CDC42EP4: variants seen among roughly 807,000 people sequenced by gnomAD.
The protein encoded by CDC42EP4 is CDC42 effector protein (Rho GTPase binding) 4.
Under a neutral mutation model 5.6 loss-of-function variants are expected in CDC42EP4, and 6 were observed. The ratio of observed to expected loss-of-function variants is 1.07; its 90% CI spans 0.59 to 2.12. CDC42EP4 has a LOEUF of 2.12. Among genes scored for constraint, CDC42EP4 ranks in the 30% most tolerant of loss-of-function variants. The pLI is 0.00. For missense variants in CDC42EP4, 490 were observed against 508.6 expected (o/e 0.96, Z 0.35); for synonymous variants, 230 against 224.2 (o/e 1.03, Z -0.23).
chr17:73,309,306 A>G lies in CDC42EP4; in HGVS notation c.-113+2587T>C, dbSNP rs75293310. On this transcript the variant is annotated intron_variant, in intron 1 of 1. Coordinates refer to ENST00000335793, the MANE Select transcript of CDC42EP4 (RefSeq NM_012121.5). ...CAGCCTGCAGTGAGCCTTGACTATG[A>G]CGCTGCACCACAACCTGGGTGACAG... 5.0e-3 allele frequency among the ~76,000 whole-genome samples: 760 copies of G among 152,236 alleles called. 7 individuals carry two copies. Among genetic ancestry groups the G allele is most frequent in the Middle Eastern group, 0.01 (3 of 294 alleles).
chr17:73,310,571 G>C (rs922585204), intron 1 of CDC42EP4, among the ~76,000 whole-genome samples: 1 of 151,110 alleles, frequency 6.6e-6, no homozygotes, highest in Admixed American at 6.6e-5. Flanking sequence ...AGATTGCAAG[G>C]GGTGGGAGTC....
intron 1 of CDC42EP4, among the ~76,000 whole-genome samples, chr17:73,291,557 T>C (rs1010300871): frequency 2.2e-4 from 34 of 152,080 alleles, no homozygotes; most frequent in African/African-American, 7.2e-4. Flanking sequence ...GGGGCAGCTA[T>C]GGTTTGGGAG....
chr17:73,294,359 A>G (rs2062175078), intron 1 of CDC42EP4, among the ~76,000 whole-genome samples: 1 of 151,298 alleles, frequency 6.6e-6, no homozygotes, highest in Admixed American at 6.6e-5. Context: ...CTCAAAAAAA[A>G]ACAAACAAAG....
rs1448626805 is a variant in CDC42EP4 at position 73,301,136 on chromosome 17, G to C, written c.-113+10757C>G. Among the ~76,000 whole-genome samples the C allele has an allele frequency of 2.9e-4, 44 of 151,526 alleles. 1 individual carries two copies. Among genetic ancestry groups the C allele is most frequent in the Admixed American group, 2.9e-3 (44 of 15,228 alleles). On this transcript the variant is annotated intron_variant, in intron 1 of 1. Coordinates refer to ENST00000335793, the MANE Select transcript of CDC42EP4 (RefSeq NM_012121.5). ...ATACACACTGGACTTCTAAGATTTA[G>C]TATAAAAAAAGAGGATGTATAAAAT...
At chr17:73,295,546 G>GT (rs1182555079) in intron 1 of CDC42EP4, among the ~76,000 whole-genome samples, 5 of 152,194 alleles carry the variant, frequency 3.3e-5, no homozygotes, top group Non-Finnish European at 7.3e-5. Context: ...TGGTCCCAGG[G>GT]TGGGGTGGTC....
intron 1 of CDC42EP4, among the ~76,000 whole-genome samples, chr17:73,309,575 G>A (rs2062262995): frequency 6.6e-6 from 1 of 152,058 alleles, no homozygotes; most frequent in African/African-American, 2.4e-5. Flanking sequence ...GCAAGGGAAA[G>A]AGAGAAACGA....
At chr17:73,303,390 G>A (rs1001904191) in intron 1 of CDC42EP4, among the ~76,000 whole-genome samples, 1 of 151,848 alleles carries the variant, frequency 6.6e-6, no homozygotes, top group Admixed American at 6.6e-5. Context: ...GGCCGGGCAC[G>A]GTGGCTCACG....
At chr17:73,290,308 C>T (rs1009308200) in intron 1 of CDC42EP4, among the ~76,000 whole-genome samples, 16 of 152,328 alleles carry the variant, frequency 1.1e-4, no homozygotes, top group African/African-American at 3.6e-4. Flanking sequence ...GCTCTGGCGG[C>T]GGCATTGCTG....
In CDC42EP4 at chr17:73,285,721, A is replaced by G; in HGVS notation, c.780T>C (p.Pro260=). 2 of 1,573,122 alleles carry G rather than the reference A, an allele frequency of 1.3e-6. No individual in the cohort carries two copies. The highest frequency in any genetic ancestry group is 8.7e-7 in the Non-Finnish European group (1 of 1,153,660). ...TQAPPYAVAA[P]PLARQEGKAG... ...CCTTGCCTTCCTGCCTTGCCAGGGG[A>G]GGGGCCGCCACGGCGTACGGGGGAG... is the stretch of plus-strand genomic sequence containing the variant. Residue 260 remains proline (P), a synonymous_variant, in exon 2 of 2, where the codon CCT becomes CCC. Transcript: ENST00000335793. The surrounding 1 kb of genome is among the most constrained non-coding windows in gnomAD (Gnocchi z 6.8).
intron 1 of CDC42EP4, among the ~76,000 whole-genome samples, chr17:73,299,260 A>G (rs1449546199): frequency 1.3e-5 from 2 of 151,768 alleles, no homozygotes; most frequent in Non-Finnish European, 2.9e-5. Flanking sequence ...TGTCTCTACT[A>G]AAAATATTTA....
intron 1 of CDC42EP4, among the ~76,000 whole-genome samples, chr17:73,296,874 G>A (rs551731537): frequency 1.3e-5 from 2 of 148,304 alleles, no homozygotes; most frequent in East Asian, 2.0e-4. Context: ...CCAGCTACTC[G>A]GGAGGCTGAG....
chr17:73,296,355 T>A, intron 1 of CDC42EP4, among the ~76,000 whole-genome samples: 1 of 143,994 alleles, frequency 6.9e-6, no homozygotes, highest in African/African-American at 2.6e-5. Context: ...GAGGCAGAGG[T>A]TGCAGTGAGC....
chr17:73,309,499 C>T (rs112945912), intron 1 of CDC42EP4, among the ~76,000 whole-genome samples: 14 of 152,158 alleles, frequency 9.2e-5, no homozygotes, highest in Admixed American at 7.9e-4. Context: ...GAGGTGCTGT[C>T]GGGTTCCAGA....
intron 1 of CDC42EP4, among the ~76,000 whole-genome samples, chr17:73,289,087 T>G (rs1211110457): frequency 1.3e-5 from 2 of 152,180 alleles, no homozygotes; most frequent in African/African-American, 4.8e-5. Context: ...AATTAGACAT[T>G]GAACCGCTAG....
At chr17:73,304,655 T>TGGGGGGGGG (rs371870281) in intron 1 of CDC42EP4, among the ~76,000 whole-genome samples, 1 of 21,904 alleles carries the variant, frequency 4.6e-5, no homozygotes, top group African/African-American at 1.7e-4. Flanking sequence ...AACATCGGGG[T>TGGGGGGGGG]GGGGGGGGCG....
At chr17:73,287,468 G>A (rs1008345041) in intron 1 of CDC42EP4, among the ~76,000 whole-genome samples, 1 of 152,162 alleles carries the variant, frequency 6.6e-6, no homozygotes, top group African/African-American at 2.4e-5. Flanking sequence ...TGATTCCTAG[G>A]TGATTCACCA....
intron 1 of CDC42EP4, among the ~76,000 whole-genome samples, chr17:73,302,230 T>C (rs2062222638): frequency 6.6e-6 from 1 of 152,208 alleles, no homozygotes; most frequent in Non-Finnish European, 1.5e-5. Context: ...ATTGAATCTT[T>C]TGGGCTTTGG....
intron 1 of CDC42EP4, among the ~76,000 whole-genome samples, chr17:73,309,334 C>G (rs1174200592): frequency 6.6e-6 from 1 of 152,056 alleles, no homozygotes; most frequent in African/African-American, 2.4e-5. Context: ...GGTGACAGAG[C>G]AAGACCTGGT....
At chr17:73,295,501 C>G (rs1010636) in intron 1 of CDC42EP4, among the ~76,000 whole-genome samples, 72,765 of 151,924 alleles carry the variant, frequency 0.48, 17,859 homozygotes, top group Middle Eastern at 0.6. Flanking sequence ...GGGAACATTA[C>G]AAAACTCTGA....
Sources: allele counts gnomAD v4.1 joint callset (sites outside exome capture counted in the v4.1 genomes callset), GRCh38; gene constraint gnomAD v4.1.1; non-coding constraint Gnocchi (gnomAD v3.1); transcripts MANE v1.5; gene names NCBI Gene and HGNC (gene_info 2026-07-23, HGNC 2026-07-21).